Variants in PHACTR1 observed in about 807,000 individuals in gnomAD.
The protein encoded by PHACTR1 is phosphatase and actin regulator 1.
PHACTR1 carries 16 observed loss-of-function variants against 69.2 expected under a neutral mutation model. The observed-to-expected ratio is 0.23, with a 90% CI of 0.16 to 0.35. The LOEUF (loss-of-function observed/expected upper bound fraction) is 0.35. Ranked by LOEUF, PHACTR1 falls within the 10% of genes least tolerant of loss-of-function variation. The pLI is 1.00. For missense variants in PHACTR1, 510 were observed against 734.7 expected, an observed-to-expected ratio of 0.69 and a Z score of 3.54; for synonymous variants, 312 against 284.5, an observed-to-expected ratio of 1.10 and a Z score of -0.97.
intron 4 of PHACTR1, among the ~76,000 whole-genome samples, chr6:12,977,754 AGCTTTTAAAAGTGAG>A (rs949710696): frequency 6.6e-6 from 1 of 152,168 alleles, no homozygotes; most frequent in African/African-American, 2.4e-5. Context: ...TGGGCCATTT[AGCTTTTAAAAGTGAG>A]GCTTTTAAAA....
At chr6:12,829,444 A>G (rs1777167575) in intron 4 of PHACTR1, among the ~76,000 whole-genome samples, 1 of 152,132 alleles carries the variant, frequency 6.6e-6, no homozygotes. Context: ...TTGACTTAGG[A>G]GGTGATGAAA....
At chr6:12,833,075 T>A (rs2127731251) in intron 4 of PHACTR1, among the ~76,000 whole-genome samples, 1 of 152,206 alleles carries the variant, frequency 6.6e-6, no homozygotes, top group Admixed American at 6.5e-5. Flanking sequence ...CATGAAGAAG[T>A]CACTTCACCT....
chr6:13,110,548 G>A (rs533655701), intron 5 of PHACTR1, among the ~76,000 whole-genome samples: 5 of 152,128 alleles, frequency 3.3e-5, no homozygotes, highest in African/African-American at 9.7e-5. Flanking sequence ...GCTCCGTGCC[G>A]CTTTCTCCTC....
chr6:13,090,697 C>T (rs537056401), intron 5 of PHACTR1, among the ~76,000 whole-genome samples: 1 of 152,198 alleles, frequency 6.6e-6, no homozygotes, highest in African/African-American at 2.4e-5. Flanking sequence ...TGGACCAAAC[C>T]TGGCCTCTTA....
chr6:12,906,861 G>A (rs1232383876), intron 4 of PHACTR1, among the ~76,000 whole-genome samples: 1 of 152,132 alleles, frequency 6.6e-6, no homozygotes, highest in Non-Finnish European at 1.5e-5. Context: ...GAGAAATTAG[G>A]CTTTCTGATT....
intron 4 of PHACTR1, among the ~76,000 whole-genome samples, chr6:12,852,143 T>C (rs1385030478): frequency 6.6e-6 from 1 of 152,200 alleles, no homozygotes; most frequent in East Asian, 1.9e-4. Flanking sequence ...CCAAAAAACA[T>C]TTTTATTATG....
chr6:12,928,722 C>T (rs1480631600), intron 4 of PHACTR1, among the ~76,000 whole-genome samples: 1 of 150,406 alleles, frequency 6.6e-6, no homozygotes, highest in Non-Finnish European at 1.5e-5. Flanking sequence ...TAAAGCTCTA[C>T]TCATATTCTC....
At chr6:13,161,020 C>T (rs558900691) in intron 6 of PHACTR1, among the ~76,000 whole-genome samples, 23 of 152,252 alleles carry the variant, frequency 1.5e-4, no homozygotes, top group African/African-American at 4.6e-4. Flanking sequence ...TGCTCTGTTG[C>T]CCAGGCTGGA....
intron 12 of PHACTR1, among the ~76,000 whole-genome samples, chr6:13,281,963 G>T (rs1393387620): frequency 6.6e-6 from 1 of 152,258 alleles, no homozygotes; most frequent in Non-Finnish European, 1.5e-5. Flanking sequence ...CTTTGGCTGA[G>T]AGGGAGCTGT....
intron 8 of PHACTR1, among the ~76,000 whole-genome samples, chr6:13,212,535 A>G (rs1045708435): frequency 6.6e-6 from 1 of 152,112 alleles, no homozygotes; most frequent in African/African-American, 2.4e-5. Flanking sequence ...TCTGTCTTTA[A>G]TGTGGACAGG....
intron 5 of PHACTR1, among the ~76,000 whole-genome samples, chr6:13,097,571 C>T (rs2127848099): frequency 6.6e-6 from 1 of 152,290 alleles, no homozygotes; most frequent in East Asian, 1.9e-4. Context: ...TAATTTAAAG[C>T]CGAAGAATGC....
chr6:12,910,868 G>C (rs1251825523), intron 4 of PHACTR1, among the ~76,000 whole-genome samples: 1 of 152,228 alleles, frequency 6.6e-6, no homozygotes, highest in Admixed American at 6.5e-5. Context: ...GAGTCTCTGG[G>C]AACCTTAGAG....
At chr6:12,901,421 G>A (rs1785171874) in intron 4 of PHACTR1, among the ~76,000 whole-genome samples, 1 of 152,162 alleles carries the variant, frequency 6.6e-6, no homozygotes, top group African/African-American at 2.4e-5. Context: ...AGAAAGGAGG[G>A]AAGGAAAGGT....
chr6:12,969,563 G>A (rs1164161580), intron 4 of PHACTR1, among the ~76,000 whole-genome samples: 1 of 152,166 alleles, frequency 6.6e-6, no homozygotes, highest in Non-Finnish European at 1.5e-5. Flanking sequence ...GCAATGTGGT[G>A]AAACCCCAGC....
intron 4 of PHACTR1, among the ~76,000 whole-genome samples, chr6:12,927,223 G>T (rs1788365700): frequency 1.3e-5 from 2 of 152,152 alleles, no homozygotes; most frequent in African/African-American, 4.8e-5. Flanking sequence ...TCACATAAAG[G>T]TGCAATATAG....
At chr6:13,228,131 G>T in intron 9 of PHACTR1, 68 bp downstream of exon 9, 1 of 1,528,878 alleles carries the variant, frequency 6.5e-7, no homozygotes, top group South Asian at 1.2e-5. Flanking sequence ...GCAGAGAGTG[G>T]ACCCAGCAGC....
intron 10 of PHACTR1, among the ~76,000 whole-genome samples, chr6:13,256,512 T>C (rs1393005197): frequency 6.6e-6 from 1 of 152,256 alleles, no homozygotes; most frequent in Non-Finnish European, 1.5e-5. Context: ...GTTTCCCCTT[T>C]AAATGTAAGT....
intron 4 of PHACTR1, among the ~76,000 whole-genome samples, chr6:12,973,916 ATTTTTTTT>A (rs33948457): frequency 2.2e-5 from 2 of 92,866 alleles, no homozygotes; most frequent in African/African-American, 8.8e-5. Flanking sequence ...AGAGGCTGGG[ATTTTTTTT>A]TTTTTTTTTT....
intron 4 of PHACTR1, among the ~76,000 whole-genome samples, chr6:12,789,099 T>C (rs1771904511): frequency 6.6e-6 from 1 of 152,212 alleles, no homozygotes; most frequent in Admixed American, 6.5e-5. Context: ...CTGCTCTCGT[T>C]TCCTCTTGAA....
Sources: allele counts gnomAD v4.1 joint callset (sites outside exome capture counted in the v4.1 genomes callset), GRCh38; gene constraint gnomAD v4.1.1; transcripts MANE v1.5; gene names NCBI Gene and HGNC (gene_info 2026-07-23, HGNC 2026-07-21).